The following OTOG variants were observed in gnomAD, a reference collection of about 807,000 sequenced individuals.
OTOG encodes the protein otogelin.
A neutral mutation model predicts 313.8 loss-of-function variants in OTOG; 296 were observed. The observed-to-expected ratio is 0.94, with a 90% confidence interval of 0.86 to 1.04. OTOG has a LOEUF of 1.04. Among genes scored for constraint, OTOG ranks in the 50% least tolerant of loss-of-function variants. The pLI, the probability that OTOG is intolerant of heterozygous loss-of-function variation, is 0.00. For synonymous variants in OTOG, 1,533 were observed against 1,554.9 expected (o/e 0.99, Z 0.33); for missense variants, 3,948 against 3,840.1 (o/e 1.03, Z -0.74).
Position 17,641,030 on chromosome 11 carries a change from C to T in OTOG, c.8129C>T (p.Pro2710Leu), listed in dbSNP as rs767832989. Residue 2710 changes from proline to leucine, a missense_variant, in exon 51 of 56, where the codon CCT becomes CTT. Pro to Leu is a moderately conservative substitution (Grantham distance 98). Transcript: ENST00000399397. The stretch of plus-strand genomic sequence containing the variant: ...TCCCGCTGCACCACCGTGCTCGACC[C>T]TCTCACCAACTTCTACCAGATCAAC... ...HTSRCTTVLD[P>L]LTNFYQINTT... 174 of 1,547,518 alleles carry T rather than the reference C, an allele frequency of 1.1e-4. No individual in the cohort carries two copies. Among genetic ancestry groups the T allele is most frequent in the Non-Finnish European group, 1.5e-4 (170 of 1,146,862 alleles).
At chr11:17,631,370 C>CTCTA (rs1290345055) in intron 40 of OTOG, among the ~76,000 whole-genome samples, 70 of 138,916 alleles carry the variant, frequency 5.0e-4, no homozygotes, top group African/African-American at 2.0e-3. Context: ...CTCTCTCTCT[C>CTCTA]TCTCTCTCTG....
At chr11:17,613,354 T>C (rs956059822) in intron 38 of OTOG, among the ~76,000 whole-genome samples, 3 of 101,468 alleles carry the variant, frequency 3.0e-5, no homozygotes, top group African/African-American at 7.1e-5. Context: ...CCTTCCTTCC[T>C]TCCTTCCTTC....
intron 32 of OTOG, among the ~76,000 whole-genome samples, chr11:17,605,188 G>A (rs1333841021): frequency 6.6e-6 from 1 of 152,254 alleles, no homozygotes; most frequent in African/African-American, 2.4e-5. Context: ...ATAAGGCCCT[G>A]GGCAGGGGAA....
At chr11:17,563,343 GC>G (rs1335272955) in intron 15 of OTOG, among the ~76,000 whole-genome samples, 6 of 152,230 alleles carry the variant, frequency 3.9e-5, no homozygotes, top group Non-Finnish European at 8.8e-5. Context: ...CCTTGCTCCA[GC>G]CCCCAGCACT....
At chr11:17,580,245 G>T (rs1378339436) in intron 23 of OTOG, among the ~76,000 whole-genome samples, 1 of 152,214 alleles carries the variant, frequency 6.6e-6, no homozygotes, top group Non-Finnish European at 1.5e-5. Flanking sequence ...AGGCAGTGAG[G>T]CACAATGAGC....
chr11:17,559,595 C>T lies in OTOG; in HGVS notation c.1275C>T (p.Ser425=), dbSNP rs1232299685. The T allele has an allele frequency of 6.4e-7, 1 of 1,550,890 alleles. No individual in the cohort carries two copies. Among genetic ancestry groups the T allele is most frequent in the Non-Finnish European group, 8.7e-7 (1 of 1,147,066 alleles). ...YNECIACCPA[S]CHPRASCVDS... Reference sequence around the variant, plus strand: ...AGTGCATCGCCTGCTGCCCTGCCTCCTGCCATCCCCGGGCATCCTGTGTGG... The same window carrying T: ...AGTGCATCGCCTGCTGCCCTGCCTCTTGCCATCCCCGGGCATCCTGTGTGG... The change falls in exon 12 of 56, where the codon TCC becomes TCT. Residue 425 remains serine, a synonymous_variant. Coordinates refer to ENST00000399397, the MANE Select transcript of OTOG (RefSeq NM_001292063.2).
intron 19 of OTOG, 57 bp from the exon 20 acceptor site, chr11:17,574,663 C>T: frequency 1.3e-6 from 2 of 1,482,462 alleles, no homozygotes; most frequent in Non-Finnish European, 9.1e-7. Context: ...CAGCCCCACT[C>T]CACATAACTG....
At chr11:17,623,914 T>C (rs542109662) in intron 39 of OTOG, among the ~76,000 whole-genome samples, 1 of 152,358 alleles carries the variant, frequency 6.6e-6, no homozygotes, top group East Asian at 1.9e-4. Flanking sequence ...TTGAGCTTTT[T>C]TCATATGCTT....
chr11:17,552,501 TCC>T, intron 4 of OTOG, among the ~76,000 whole-genome samples: 1 of 40,168 alleles, frequency 2.5e-5, no homozygotes, highest in Non-Finnish European at 4.6e-5. Flanking sequence ...TGGCCTCTCC[TCC>T]CACCTGTCCT....
In OTOG at chr11:17,561,107, A is replaced by C. The variant is rs777161861; in HGVS notation, c.1468A>C (p.Lys490Gln). The C allele has an allele frequency of 8.4e-6, 13 of 1,550,602 alleles. No homozygotes were observed. In the South Asian group the frequency reaches 1.5e-4, roughly 18 times the overall value. ...GTGTTTTAGCACATGCACCTCAGGC[A>C]AGTGGGAGTGCAGCACAGCTGTCTG... ...DCNTCTCTSGKWECSTAVCPA... is the reference protein window; with the variant it reads ...DCNTCTCTSGQWECSTAVCPA... The change falls in exon 14 of 56, where the codon AAG (lysine) becomes CAG (glutamine). Residue 490 changes from lysine to glutamine, a missense_variant. Physicochemically the swap from Lys to Gln is moderately conservative, Grantham distance 53 (BLOSUM62 1). Coordinates refer to ENST00000399397, the MANE Select transcript of OTOG (RefSeq NM_001292063.2).
intron 13 of OTOG, 117 bp from the exon 14 acceptor site, chr11:17,560,974 A>G (rs1197324550): frequency 1.2e-5 from 16 of 1,308,972 alleles, no homozygotes; most frequent in Non-Finnish European, 1.6e-5. Context: ...CATGGGGGAA[A>G]TCTCTACCAC....
At chr11:17,628,075 C>A (rs145419106) in intron 39 of OTOG, among the ~76,000 whole-genome samples, 2,464 of 151,902 alleles carry the variant, frequency 0.016, 70 homozygotes, top group African/African-American at 0.056. Context: ...CTGTTCTGAT[C>A]TTTATTATTT....
chr11:17,606,943 A>G lies in OTOG; in HGVS notation c.4156+808A>G, dbSNP rs79255198. The stretch of plus-strand genomic sequence containing the variant: ...CTGGCCATGATGACAAGACTTGCTC[A>G]TGATGGGAGTATTTGTGTCCCTCTC... On this transcript the variant is annotated intron_variant, in intron 33 of 55. Coordinates refer to ENST00000399397, the MANE Select transcript of OTOG (RefSeq NM_001292063.2). Among the ~76,000 whole-genome samples, 921 of 152,338 alleles carry G rather than the reference A, an allele frequency of 6.0e-3. 9 individuals are homozygous for G. The highest frequency in any genetic ancestry group is 0.021 in the African/African-American group (880 of 41,578).
Position 17,594,089 on chromosome 11 carries a change from A to T in OTOG, c.3331A>T (p.Ile1111Phe). ...GLCGNFDLKTINEMRTPENLE... is the reference protein window; with the variant it reads ...GLCGNFDLKTFNEMRTPENLE... The stretch of plus-strand genomic sequence containing the variant: ...CTGTGGGAACTTTGACTTAAAAACC[A>T]TCAATGAGATGAGGACCCCGGAGAA... The change falls in exon 28 of 56, where the codon ATC becomes TTC. Residue 1111 changes from isoleucine (I) to phenylalanine (F), a missense_variant. Transcript: ENST00000399397. 2.6e-6 allele frequency: 4 copies of T among 1,550,542 alleles called. No individual in the cohort carries two copies. The South Asian group carries it at 4.8e-5, about 18-fold the overall frequency.
intron 9 of OTOG, 74 bp from the exon 10 acceptor site, chr11:17,558,464 C>T: frequency 1.3e-6 from 2 of 1,530,490 alleles, no homozygotes; most frequent in Non-Finnish European, 1.8e-6. Flanking sequence ...CCCCACAGCT[C>T]AAGTTGGGGT....
chr11:17,622,744 A>G (rs1853894724), intron 39 of OTOG, among the ~76,000 whole-genome samples: 1 of 152,218 alleles, frequency 6.6e-6, no homozygotes, highest in Non-Finnish European at 1.5e-5. Flanking sequence ...TTCTTTATCC[A>G]TTCATCTGCT....
chr11:17,628,110 C>T (rs1045744242), intron 39 of OTOG, among the ~76,000 whole-genome samples: 7 of 151,700 alleles, frequency 4.6e-5, no homozygotes, highest in South Asian at 2.1e-4. Flanking sequence ...ATTTTGGATT[C>T]GATTTGCTCT....
rs769483261 is a variant in OTOG, at chr11:17,613,603, T to G, written c.6439-9T>G. ...CTCCAAGTTGATGAGGGCTGGGTTC[T>G]CTCTGCAGGGGCACCTGAACTGGCC... On this transcript the variant is annotated splice_polypyrimidine_tract_variant and intron_variant, in intron 38 of 55. Coordinates refer to ENST00000399397, the MANE Select transcript of OTOG (RefSeq NM_001292063.2). 1 of 1,550,438 alleles carries G rather than the reference T, an allele frequency of 6.4e-7. No homozygotes were observed.
chr11:17,637,846 T>G (rs1448245968), intron 47 of OTOG, among the ~76,000 whole-genome samples: 1 of 152,214 alleles, frequency 6.6e-6, no homozygotes, highest in East Asian at 1.9e-4. Flanking sequence ...CAAGTAACTC[T>G]TACAGTTTTC....
Sources: allele counts gnomAD v4.1 joint callset (sites outside exome capture counted in the v4.1 genomes callset), GRCh38; gene constraint gnomAD v4.1.1; transcripts MANE v1.5; gene names NCBI Gene and HGNC (gene_info 2026-07-23, HGNC 2026-07-21).